DAB1: variants seen among roughly 807,000 people sequenced by gnomAD.
DAB1 encodes disabled homolog 1.
In DAB1, 15 loss-of-function variants were observed where a neutral mutation model predicts 64.6. The observed-to-expected ratio is 0.23, with a 90% CI of 0.16 to 0.36. The LOEUF (loss-of-function observed/expected upper bound fraction) is 0.36. Among genes scored for constraint, DAB1 ranks in the 10% least tolerant of loss-of-function variants. The pLI, the probability that DAB1 is intolerant of heterozygous loss-of-function variation, is 1.00. For synonymous variants in DAB1, 235 were observed against 251.9 expected, an observed-to-expected ratio of 0.93 and a Z score of 0.64; for missense variants, 596 against 706.7, an observed-to-expected ratio of 0.84 and a Z score of 1.78.
chr1:58,413,528 C>A (rs1235762258), intron 3 of DAB1, among the ~76,000 whole-genome samples: 1 of 152,122 alleles, frequency 6.6e-6, no homozygotes, highest in East Asian at 1.9e-4. Flanking sequence ...CCCTGTGATT[C>A]CCACTATATG....
intron 2 of DAB1, among the ~76,000 whole-genome samples, chr1:57,266,495 T>G (rs1670599592): frequency 6.6e-6 from 1 of 152,044 alleles, no homozygotes; most frequent in African/African-American, 2.4e-5. Flanking sequence ...CAATGCCACC[T>G]CCCCTGTGAA....
intron 6 of DAB1, among the ~76,000 whole-genome samples, chr1:57,819,069 T>C (rs1199755888): frequency 6.6e-6 from 1 of 152,212 alleles, no homozygotes; most frequent in Non-Finnish European, 1.5e-5. Context: ...GAGCCTAGCA[T>C]AGTGCTATAT....
intron 5 of DAB1, among the ~76,000 whole-genome samples, chr1:58,142,238 G>A (rs1654327553): frequency 6.6e-6 from 1 of 152,050 alleles, no homozygotes; most frequent in South Asian, 2.1e-4. Flanking sequence ...CCTGCCACTC[G>A]GCTGCCTTGG....
chr1:58,153,147 G>T (rs568899123), intron 4 of DAB1, among the ~76,000 whole-genome samples: 1 of 152,156 alleles, frequency 6.6e-6, no homozygotes, highest in Non-Finnish European at 1.5e-5. Flanking sequence ...TGTCCATCTA[G>T]AGATTCGAAA....
intron 6 of DAB1, among the ~76,000 whole-genome samples, chr1:57,664,566 T>C (rs993055000): frequency 1.3e-5 from 2 of 152,112 alleles, no homozygotes; most frequent in Non-Finnish European, 2.9e-5. Context: ...TAATATGTAA[T>C]AAAAACATTA....
chr1:57,444,984 C>T (rs113575319), intron 7 of DAB1, among the ~76,000 whole-genome samples: 33 of 152,132 alleles, frequency 2.2e-4, no homozygotes, highest in African/African-American at 7.2e-4. Flanking sequence ...TGTTCATCGA[C>T]GAAAAGTTGT....
chr1:57,329,239 G>T (rs1676438824), intron 1 of DAB1, among the ~76,000 whole-genome samples: 1 of 152,176 alleles, frequency 6.6e-6, no homozygotes, highest in South Asian at 2.1e-4. Flanking sequence ...TGCCGCAAGA[G>T]GAGCGGATCC....
At chr1:57,361,897 T>C (rs1039346109) in intron 1 of DAB1, among the ~76,000 whole-genome samples, 1 of 152,230 alleles carries the variant, frequency 6.6e-6, no homozygotes, top group East Asian at 1.9e-4. Flanking sequence ...AAACAGGTAA[T>C]GATACAACAA....
At chr1:58,491,901 T>G (rs61781785) in intron 3 of DAB1, among the ~76,000 whole-genome samples, 11,464 of 152,234 alleles carry the variant, frequency 0.075, 459 homozygotes, top group Middle Eastern at 0.16. Flanking sequence ...AACTCAGCTC[T>G]GCACCAAGTG....
intron 8 of DAB1, among the ~76,000 whole-genome samples, chr1:57,066,200 C>T (rs1457750920): frequency 1.3e-5 from 2 of 152,104 alleles, no homozygotes; most frequent in African/African-American, 4.8e-5. Flanking sequence ...ATGTGGAAAG[C>T]TGAAATCTTG....
chr1:57,140,520 C>A (rs1256275554), intron 3 of DAB1, among the ~76,000 whole-genome samples: 1 of 152,030 alleles, frequency 6.6e-6, no homozygotes, highest in Non-Finnish European at 1.5e-5. Flanking sequence ...AAAAAATGAC[C>A]AATGATGCAT....
At chr1:57,282,104 A>G (rs1671941855) in intron 2 of DAB1, among the ~76,000 whole-genome samples, 1 of 147,248 alleles carries the variant, frequency 6.8e-6, no homozygotes, top group African/African-American at 2.5e-5. Flanking sequence ...AATCGCTTGA[A>G]CCTGGGAGGC....
chr1:57,430,969 T>C (rs1449880724), intron 7 of DAB1, among the ~76,000 whole-genome samples: 1 of 151,220 alleles, frequency 6.6e-6, no homozygotes, highest in South Asian at 2.1e-4. Flanking sequence ...CGCATAATCA[T>C]GTTACACTGA....
intron 3 of DAB1, among the ~76,000 whole-genome samples, chr1:58,400,541 G>A (rs867951468): frequency 1.2e-4 from 19 of 152,290 alleles, no homozygotes; most frequent in Non-Finnish European, 2.4e-4. Context: ...GAAACAGACA[G>A]GCAGATACAA....
intron 6 of DAB1, among the ~76,000 whole-genome samples, chr1:57,660,144 A>G (rs1205771019): frequency 6.6e-6 from 1 of 152,186 alleles, no homozygotes; most frequent in African/African-American, 2.4e-5. Flanking sequence ...GAAAGATATT[A>G]GATAATATCT....
intron 6 of DAB1, among the ~76,000 whole-genome samples, chr1:57,814,104 T>C (rs1157465667): frequency 6.6e-6 from 1 of 152,168 alleles, no homozygotes; most frequent in Non-Finnish European, 1.5e-5. Flanking sequence ...CTCCCGTCTA[T>C]GTGTGGGCAA....
chr1:58,116,188 T>C (rs1347703634), intron 5 of DAB1, among the ~76,000 whole-genome samples: 1 of 152,192 alleles, frequency 6.6e-6, no homozygotes, highest in African/African-American at 2.4e-5. Flanking sequence ...TCCTTCTTCC[T>C]TCCTGGAAAG....
rs1368007037 is a variant in DAB1, at chr1:57,291,150, T to A, written c.-120A>T. On this transcript the variant is annotated 5_prime_UTR_variant, in exon 2 of 15. An upstream start codon of the reference 5' UTR is lost. Coordinates refer to ENST00000371236, the MANE Select transcript of DAB1 (RefSeq NM_001365792.1). ...ATGACACTCTGAGCTGCACATTTCA[T>A]TCACTCTTTTTGAGTGCTGCAAATC... The A allele has an allele frequency of 7.5e-6, 4 of 535,846 alleles. No individual in the cohort carries two copies. The highest frequency in any genetic ancestry group is 1.3e-5 in the Non-Finnish European group (4 of 301,264). The allele number at this position is 535,846 out of a possible 1,614,324, so 33.2% of individuals were successfully genotyped here. A position where few individuals can be genotyped will look rare whatever the true frequency, so the allele number is the denominator to read the frequency against.
intron 5 of DAB1, among the ~76,000 whole-genome samples, chr1:57,977,446 C>A (rs1204058317): frequency 6.6e-6 from 1 of 152,130 alleles, no homozygotes; most frequent in Non-Finnish European, 1.5e-5. Flanking sequence ...AAGAATGGGT[C>A]CTACCCGCAA....
Sources: gnomAD v4.1 joint callset for allele counts (sites outside exome capture counted in the v4.1 genomes callset) on GRCh38, gnomAD v4.1.1 for gene constraint, MANE v1.5 for transcripts, NCBI Gene and HGNC (gene_info 2026-07-23, HGNC 2026-07-21) for gene names.